Variants in PLB1 observed in about 807,000 individuals in gnomAD.
PLB1 encodes phospholipase B1.
In PLB1, 242 loss-of-function variants were observed where a neutral mutation model predicts 227.4. The ratio of observed to expected loss-of-function variants is 1.06; its 90% CI spans 0.96 to 1.18. The LOEUF (loss-of-function observed/expected upper bound fraction) is 1.18, where lower values mean the gene tolerates loss of function less well. Ranked by LOEUF, PLB1 falls within the 50% of genes most tolerant of loss-of-function variation. The pLI is 0.00. For missense variants in PLB1, 1,858 were observed against 1,816.3 expected, an observed-to-expected ratio of 1.02 and a Z score of -0.42; for synonymous variants, 757 against 682.2, an observed-to-expected ratio of 1.11 and a Z score of -1.71.
At chr2:28,614,192 C>T (rs1236593959) in intron 44 of PLB1, 96 bp downstream of exon 44, 1 of 1,154,044 alleles carries the variant, frequency 8.7e-7, no homozygotes, top group Non-Finnish European at 1.3e-6. Context: ...TTCACTGAAG[C>T]AGAAATGTAC....
chr2:28,540,383 G>A lies in PLB1; in HGVS notation c.716G>A (p.Cys239Tyr). The A allele has an allele frequency of 6.2e-7, 1 of 1,614,052 alleles. No homozygotes were observed. The highest frequency in any genetic ancestry group is 8.5e-7 in the Non-Finnish European group (1 of 1,179,996). The change falls in exon 12 of 58, where the codon TGT (cysteine) becomes TAT (tyrosine). Residue 239 changes from cysteine (C) to tyrosine (Y), a missense_variant. Cys to Tyr is a radical substitution (Grantham distance 194). Transcript: ENST00000327757. ...ACCTGCAGCCCTGCACCAGAGCCCT[G>A]TAATTGCTCAGAGGAGACCACCCGG... ...GTWLSPAPEP[C>Y]NCSEETTRLA... is the part of the protein sequence containing the mutation.
chr2:28,547,159 C>T (rs1673392641), intron 14 of PLB1, among the ~76,000 whole-genome samples: 1 of 148,870 alleles, frequency 6.7e-6, no homozygotes, highest in African/African-American at 2.5e-5. Context: ...TGTGATCGCA[C>T]CACTGCACTC....
intron 53 of PLB1, among the ~76,000 whole-genome samples, chr2:28,630,168 CT>C (rs1028441983): frequency 1.9e-4 from 29 of 152,280 alleles, no homozygotes; most frequent in African/African-American, 7.0e-4. Context: ...GCCCCCGGAA[CT>C]TGAGGAGCGA....
intron 50 of PLB1, among the ~76,000 whole-genome samples, chr2:28,625,825 C>A (rs1426318966): frequency 6.6e-6 from 1 of 152,010 alleles, no homozygotes; most frequent in Non-Finnish European, 1.5e-5. Flanking sequence ...CCACATTCTA[C>A]TTCTCCAGGG....
At chr2:28,627,714 C>T (rs1273977124) in intron 51 of PLB1, among the ~76,000 whole-genome samples, 4 of 152,132 alleles carry the variant, frequency 2.6e-5, no homozygotes, top group South Asian at 2.1e-4. Flanking sequence ...ATTGAGTGCA[C>T]GGTATCTCAC....
intron 1 of PLB1, among the ~76,000 whole-genome samples, chr2:28,497,985 CT>C (rs1666664048): frequency 6.6e-6 from 1 of 151,718 alleles, no homozygotes; most frequent in South Asian, 2.1e-4. Context: ...TCCCAGAGAG[CT>C]GGGATTACAG....
At chr2:28,597,115 T>A (rs527377013) in intron 33 of PLB1, among the ~76,000 whole-genome samples, 3 of 151,588 alleles carry the variant, frequency 2.0e-5, no homozygotes, top group Non-Finnish European at 4.4e-5. Context: ...ACAGAAAAAA[T>A]TAGCTGGGCA....
At chr2:28,528,637 C>A (rs986271209) in intron 6 of PLB1, among the ~76,000 whole-genome samples, 2 of 152,216 alleles carry the variant, frequency 1.3e-5, no homozygotes, top group African/African-American at 4.8e-5. Context: ...CCCTGGGCAG[C>A]TCGCTTGATT....
intron 1 of PLB1, among the ~76,000 whole-genome samples, chr2:28,502,672 G>T (rs991259608): frequency 1.3e-5 from 2 of 152,150 alleles, no homozygotes; most frequent in African/African-American, 4.8e-5. Flanking sequence ...CCATGAATGA[G>T]AGTGAGTTAT....
At chr2:28,573,045 A>G in intron 20 of PLB1, 152 bp from the exon 21 acceptor site, 1 of 623,674 alleles carries the variant, frequency 1.6e-6, no homozygotes, top group Non-Finnish European at 2.9e-6. Flanking sequence ...CATCCTGCTG[A>G]ACATTTTCTT....
At chr2:28,635,657 T>A (rs1573596845) in intron 56 of PLB1, among the ~76,000 whole-genome samples, 1 of 138,398 alleles carries the variant, frequency 7.2e-6, no homozygotes, top group Admixed American at 7.1e-5. Context: ...TTCATCTTAT[T>A]TCATCTCCTG....
At chr2:28,528,942 T>A (rs1406029390) in intron 6 of PLB1, among the ~76,000 whole-genome samples, 4 of 91,772 alleles carry the variant, frequency 4.4e-5, no homozygotes, top group Non-Finnish European at 8.1e-5. Flanking sequence ...GGAGTCAGTC[T>A]TTTTTTTTTT....
chr2:28,623,695 A>T (rs7604903), intron 49 of PLB1, among the ~76,000 whole-genome samples: 2 of 151,822 alleles, frequency 1.3e-5, no homozygotes, highest in East Asian at 1.9e-4. Context: ...GGCTTCTTCC[A>T]TGGACACTTT....
intron 1 of PLB1, among the ~76,000 whole-genome samples, chr2:28,510,630 T>TC (rs1443230662): frequency 6.8e-6 from 1 of 146,668 alleles, no homozygotes; most frequent in Non-Finnish European, 1.5e-5. Context: ...TCTCTCTTTT[T>TC]TTTTTTTTTT....
At chr2:28,531,607 A>G (rs1311773295) in intron 8 of PLB1, among the ~76,000 whole-genome samples, 5 of 152,254 alleles carry the variant, frequency 3.3e-5, no homozygotes, top group Non-Finnish European at 5.9e-5. Flanking sequence ...CACTGCACCC[A>G]GCCAGAGATA....
At chr2:28,606,693 T>A in intron 43 of PLB1, 126 bp downstream of exon 43, 4 of 851,826 alleles carry the variant, frequency 4.7e-6, no homozygotes, top group Non-Finnish European at 7.8e-6. Context: ...CCTGAGAGAT[T>A]TGGAGGATGG....
intron 33 of PLB1, 21 bp downstream of exon 33, chr2:28,593,775 C>T (rs1682410080): frequency 6.2e-7 from 1 of 1,601,146 alleles, no homozygotes. Flanking sequence ...CCTTTGACCT[C>T]TCCCAGCGTT....
intron 1 of PLB1, among the ~76,000 whole-genome samples, chr2:28,510,541 A>G (rs574996950): frequency 6.6e-6 from 1 of 152,126 alleles, no homozygotes; most frequent in East Asian, 1.9e-4. Context: ...GCTTCTGTTT[A>G]AATAAAATAT....
chr2:28,530,961 T>C (rs1367954212), intron 8 of PLB1, among the ~76,000 whole-genome samples: 3 of 152,220 alleles, frequency 2.0e-5, no homozygotes. Flanking sequence ...ATGAGGAAAC[T>C]GAAGTTCCCA....
Sources: gnomAD v4.1 joint callset for allele counts (sites outside exome capture counted in the v4.1 genomes callset) on GRCh38, gnomAD v4.1.1 for gene constraint, MANE v1.5 for transcripts, NCBI Gene and HGNC (gene_info 2026-07-23, HGNC 2026-07-21) for gene names.